Variants in SLC4A4 observed in about 807,000 individuals in gnomAD.
The protein encoded by SLC4A4 is electrogenic sodium bicarbonate cotransporter 1.
In SLC4A4, 27 loss-of-function variants were observed where a neutral mutation model predicts 111.5. The observed-to-expected ratio is 0.24, with a 90% CI of 0.18 to 0.33. The LOEUF is 0.33. Ranked by LOEUF, SLC4A4 falls within the 10% of genes least tolerant of loss-of-function variation. The pLI, the probability that SLC4A4 is intolerant of heterozygous loss-of-function variation, is 1.00. For missense variants in SLC4A4, 909 were observed against 1,315.5 expected (o/e 0.69, Z 4.78); for synonymous variants, 443 against 463.4 (o/e 0.96, Z 0.57).
intron 2 of SLC4A4, among the ~76,000 whole-genome samples, chr4:71,146,927 A>G (rs1272263733): frequency 1.3e-5 from 2 of 152,210 alleles, no homozygotes; most frequent in Non-Finnish European, 2.9e-5. Flanking sequence ...TGCTCCAATT[A>G]AAAGGCACAG....
chr4:71,434,382 C>T (rs186598678), intron 7 of SLC4A4: 1 of 182,648 alleles, frequency 5.5e-6, no homozygotes, highest in East Asian at 1.4e-4. Flanking sequence ...AAAAACCCTT[C>T]AGACTGGTAG....
intron 6 of SLC4A4, among the ~76,000 whole-genome samples, chr4:71,358,930 G>A (rs543731416): frequency 1.6e-4 from 25 of 152,076 alleles, no homozygotes; most frequent in South Asian, 8.3e-4. Context: ...GATTTAATTC[G>A]TTTATCATGG....
At chr4:71,311,887 C>CTGTG in intron 3 of SLC4A4, among the ~76,000 whole-genome samples, 2 of 26,440 alleles carry the variant, frequency 7.6e-5, no homozygotes, top group African/African-American at 2.1e-4. Context: ...ATGTGCAAGG[C>CTGTG]TGTGAGAGAG....
rs572121822 is a variant in SLC4A4 at position 71,442,460 on chromosome 4, C to T, written c.965+1687C>T. On this transcript the variant is annotated intron_variant, in intron 8 of 25. Transcript: ENST00000264485. Reference sequence around the variant, plus strand: ...TCCAGGAAATAGCTTCATCCATTTGCTGTCCTCTGAACTAGTACAAGCCTT... The same window carrying T: ...TCCAGGAAATAGCTTCATCCATTTGTTGTCCTCTGAACTAGTACAAGCCTT... Among the ~76,000 whole-genome samples, 36 of 152,292 alleles carry T rather than the reference C, an allele frequency of 2.4e-4. 1 individual carries two copies. The highest frequency in any genetic ancestry group is 2.3e-3 in the Admixed American group (35 of 15,302).
At chr4:71,522,623 A>G (rs1313462608) in intron 16 of SLC4A4, among the ~76,000 whole-genome samples, 1 of 152,248 alleles carries the variant, frequency 6.6e-6, no homozygotes, top group African/African-American at 2.4e-5. Flanking sequence ...CATATGTAAC[A>G]GGCCCAAGAA....
At chr4:71,231,618 A>G (rs557339287) in intron 1 of SLC4A4, among the ~76,000 whole-genome samples, 2 of 152,302 alleles carry the variant, frequency 1.3e-5, no homozygotes, top group African/African-American at 4.8e-5. Context: ...TGGATTTTAT[A>G]CTGACTGGTG....
At chr4:71,101,254 G>A (rs1055388253) in intron 2 of SLC4A4, among the ~76,000 whole-genome samples, 16 of 151,898 alleles carry the variant, frequency 1.1e-4, no homozygotes, top group African/African-American at 2.7e-4. Flanking sequence ...GCAAGACTCC[G>A]TCTCAAAAAA....
At chr4:71,534,515 C>T in intron 18 of SLC4A4, 127 bp downstream of exon 18, 1 of 820,480 alleles carries the variant, frequency 1.2e-6, no homozygotes, top group South Asian at 1.5e-5. Flanking sequence ...TAAGAGTCCG[C>T]AGAACCAGAG....
At chr4:71,379,890 C>T (rs1174379177) in intron 6 of SLC4A4, among the ~76,000 whole-genome samples, 1 of 151,846 alleles carries the variant, frequency 6.6e-6, no homozygotes, top group Non-Finnish European at 1.5e-5. Flanking sequence ...AATTGTGATT[C>T]CTCTTGCATA....
At chr4:71,372,178 G>A (rs2148934927) in intron 6 of SLC4A4, among the ~76,000 whole-genome samples, 1 of 152,248 alleles carries the variant, frequency 6.6e-6, no homozygotes, top group African/African-American at 2.4e-5. Flanking sequence ...ACCTTTAAAA[G>A]CTTCATTTAA....
chr4:71,372,153 T>C (rs1731952589), intron 6 of SLC4A4, among the ~76,000 whole-genome samples: 1 of 152,226 alleles, frequency 6.6e-6, no homozygotes, highest in Non-Finnish European at 1.5e-5. Context: ...CTAATGTAAC[T>C]AGAAGTTACT....
At chr4:71,243,087 G>T (rs994100829) in intron 2 of SLC4A4, among the ~76,000 whole-genome samples, 1 of 152,114 alleles carries the variant, frequency 6.6e-6, no homozygotes, top group Non-Finnish European at 1.5e-5. Context: ...AACCATAATT[G>T]TATACTGGGT....
At chr4:71,387,139 A>AT (rs1268429098) in intron 6 of SLC4A4, among the ~76,000 whole-genome samples, 14 of 152,130 alleles carry the variant, frequency 9.2e-5, no homozygotes, top group African/African-American at 3.4e-4. Context: ...TCCTGCCTCC[A>AT]TTGTACTTGG....
At chr4:71,532,213 CTT>C (rs778608375) in intron 17 of SLC4A4, 38 bp downstream of exon 17, 2 of 1,067,772 alleles carry the variant, frequency 1.9e-6, no homozygotes, top group Non-Finnish European at 2.9e-6. Flanking sequence ...TCCTGGAACT[CTT>C]TTTCTTTCTT....
At chr4:71,540,395 A>G (rs1250860255) in intron 18 of SLC4A4, among the ~76,000 whole-genome samples, 2 of 152,228 alleles carry the variant, frequency 1.3e-5, no homozygotes, top group Non-Finnish European at 2.9e-5. Flanking sequence ...AGTAAAGCAT[A>G]TACAATTTCA....
intron 12 of SLC4A4, among the ~76,000 whole-genome samples, chr4:71,459,191 C>T (rs12511966): frequency 0.21 from 32,114 of 151,750 alleles, 3,798 homozygotes; most frequent in South Asian, 0.42. Flanking sequence ...CACCCTATTT[C>T]CTTGATGATC....
chr4:71,429,124 G>A (rs991477617), intron 7 of SLC4A4, among the ~76,000 whole-genome samples: 2 of 152,078 alleles, frequency 1.3e-5, no homozygotes, highest in Non-Finnish European at 2.9e-5. Context: ...GATGCTGCAG[G>A]TCTGAGAGCA....
At chr4:71,211,279 A>G (rs1718116817) in intron 1 of SLC4A4, among the ~76,000 whole-genome samples, 1 of 152,224 alleles carries the variant, frequency 6.6e-6, no homozygotes, top group Admixed American at 6.5e-5. Flanking sequence ...TTAACAATAT[A>G]AAGACATAGT....
In SLC4A4 at chr4:71,424,377, T is replaced by C. The variant is rs550016190; in HGVS notation, c.808-16239T>C. On this transcript the variant is annotated intron_variant, in intron 7 of 25. Coordinates refer to ENST00000264485, the MANE Select transcript of SLC4A4 (RefSeq NM_001098484.3). ...AGAGGATGTGGAGAAATAGGAACAC[T>C]TTTACACTGTTGGTGGGACTGTAAA... Among the ~76,000 whole-genome samples, 12 of 151,600 alleles carry C rather than the reference T, an allele frequency of 7.9e-5. No homozygotes were observed. The South Asian group carries it at 8.4e-4, about 11-fold the overall frequency.
Sources: gnomAD v4.1 joint callset for allele counts (sites outside exome capture counted in the v4.1 genomes callset) on GRCh38, gnomAD v4.1.1 for gene constraint, MANE v1.5 for transcripts, NCBI Gene and HGNC (gene_info 2026-07-23, HGNC 2026-07-21) for gene names.